The following PLEKHA7 variants were observed in gnomAD, a reference collection of about 807,000 sequenced individuals.
The protein encoded by PLEKHA7 is pleckstrin homology domain-containing family A member 7.
A neutral mutation model predicts 170.0 loss-of-function variants in PLEKHA7; 104 were observed. That is an observed-to-expected ratio of 0.61 (90% CI 0.52 to 0.72). The LOEUF is 0.72. Among genes scored for constraint, PLEKHA7 ranks in the 30% least tolerant of loss-of-function variants. The pLI is 0.00. For synonymous variants in PLEKHA7, 648 were observed against 660.8 expected, an observed-to-expected ratio of 0.98 and a Z score of 0.30; for missense variants, 1,615 against 1,671.7, an observed-to-expected ratio of 0.97 and a Z score of 0.59.
intron 17 of PLEKHA7, among the ~76,000 whole-genome samples, chr11:16,797,699 C>T (rs1848328784): frequency 6.6e-6 from 1 of 152,134 alleles, no homozygotes; most frequent in African/African-American, 2.4e-5. Flanking sequence ...GGTGTATTAC[C>T]GAGCCCAGGG....
In PLEKHA7 at chr11:17,014,011, C is replaced by T. The variant is rs904253470; in HGVS notation, c.199G>A (p.Glu67Lys). ...PRGWEEGFTE[E>K]GASYFIDHNQ... ...CACTCGATGAAGTAGCTGGCGCCCT[C>T]CTCCGTGAAGCCCTCCTCCCAGCCG... Residue 67 changes from glutamate to lysine, a missense_variant, in exon 3 of 27, where the codon GAG becomes AAG. Transcript: ENST00000531066. 2 of 1,548,830 alleles carry T rather than the reference C, an allele frequency of 1.3e-6. No individual in the cohort carries two copies. The highest frequency in any genetic ancestry group is 1.4e-5 in the African/African-American group (1 of 72,806).
rs1199643786 is a variant in PLEKHA7, at chr11:16,962,297, G to GGGT, written c.221+51689_221+51691dup. 6.6e-5 allele frequency among the ~76,000 whole-genome samples: 10 copies of GGGT among 152,298 alleles called. No homozygotes were observed. In the East Asian group the frequency reaches 1.9e-3, roughly 29 times the overall value. On this transcript the variant is annotated intron_variant, in intron 3 of 26. Coordinates refer to ENST00000531066, the MANE Select transcript of PLEKHA7 (RefSeq NM_001329630.2). ...GCATTATCACAGTGTCCACCTGATG[G>GGGT]GGTGGTTGTGAGATCACTTGTGTAA...
At chr11:16,978,268 C>T (rs1050479416) in intron 3 of PLEKHA7, among the ~76,000 whole-genome samples, 1 of 152,200 alleles carries the variant, frequency 6.6e-6, no homozygotes, top group African/African-American at 2.4e-5. Flanking sequence ...CTTTTGTTCA[C>T]GTCCCTCAAT....
chr11:16,907,059 G>A (rs1352870750), intron 3 of PLEKHA7, among the ~76,000 whole-genome samples: 4 of 144,564 alleles, frequency 2.8e-5, no homozygotes, highest in East Asian at 2.0e-4. Flanking sequence ...CAGCCACTCC[G>A]TCTGGGAAGC....
intron 3 of PLEKHA7, among the ~76,000 whole-genome samples, chr11:16,896,583 C>T (rs1280529403): frequency 6.6e-6 from 1 of 152,170 alleles, no homozygotes; most frequent in African/African-American, 2.4e-5. Flanking sequence ...GTCCCTAAGC[C>T]CATCATCCTA....
intron 3 of PLEKHA7, among the ~76,000 whole-genome samples, chr11:16,949,626 T>A (rs1433480190): frequency 6.6e-6 from 1 of 152,234 alleles, no homozygotes. Flanking sequence ...ATTCATTCAT[T>A]CCAATGTCTG....
At chr11:16,965,496 C>G (rs1180022054) in intron 3 of PLEKHA7, among the ~76,000 whole-genome samples, 1 of 152,138 alleles carries the variant, frequency 6.6e-6, no homozygotes, top group Non-Finnish European at 1.5e-5. Context: ...TCTCTATTGC[C>G]AACTCACCTT....
intron 6 of PLEKHA7, among the ~76,000 whole-genome samples, chr11:16,854,259 A>G (rs908024978): frequency 5.9e-5 from 9 of 152,356 alleles, no homozygotes; most frequent in South Asian, 2.1e-4. Context: ...GGGGATTCCA[A>G]TGAAGAATGG....
chr11:16,790,688 G>A (rs2134215075), intron 21 of PLEKHA7, 110 bp downstream of exon 21: 2 of 1,097,524 alleles, frequency 1.8e-6, no homozygotes, highest in Middle Eastern at 3.0e-4. Context: ...GACAGCTGCT[G>A]CTCACTCCTA....
At chr11:16,989,773 A>C (rs1457352381) in intron 3 of PLEKHA7, among the ~76,000 whole-genome samples, 1 of 152,238 alleles carries the variant, frequency 6.6e-6, no homozygotes, top group African/African-American at 2.4e-5. Flanking sequence ...GGCTACAAGA[A>C]GACAGGTGCC....
intron 3 of PLEKHA7, among the ~76,000 whole-genome samples, chr11:16,944,926 A>C (rs1173829411): frequency 2.6e-5 from 4 of 152,192 alleles, no homozygotes; most frequent in African/African-American, 9.6e-5. Context: ...TAACCAACTC[A>C]CAGATAAGAA....
chr11:16,790,617 T>C, intron 21 of PLEKHA7, 181 bp downstream of exon 21: 1 of 602,134 alleles, frequency 1.7e-6, no homozygotes, highest in South Asian at 2.1e-5. Flanking sequence ...AGGAAGAGAA[T>C]CAGGATGTGG....
At chr11:16,836,675 C>T (rs148561624) in intron 9 of PLEKHA7, among the ~76,000 whole-genome samples, 14 of 152,238 alleles carry the variant, frequency 9.2e-5, no homozygotes, top group African/African-American at 3.4e-4. Flanking sequence ...TTTAATAAGT[C>T]TGTATTCGCT....
At chr11:16,795,355 G>A (rs1474850228) in intron 17 of PLEKHA7, 1 of 267,134 alleles carries the variant, frequency 3.7e-6, no homozygotes, top group African/African-American at 2.2e-5. Context: ...AAGTACAACA[G>A]TGGTTGCTGG....
At position 16,895,151 on chromosome 11, in the gene PLEKHA7, C is replaced by T. The variant is rs935279359; in HGVS notation, c.222-23969G>A. The stretch of plus-strand genomic sequence containing the variant: ...ACATTTCTAAGGCAAGAAGAAAACT[C>T]CAGTACAGGGTAAGGGTTTAATATA... On this transcript the variant is annotated intron_variant, in intron 3 of 26. Coordinates refer to ENST00000531066, the MANE Select transcript of PLEKHA7 (RefSeq NM_001329630.2). Among the ~76,000 whole-genome samples, 8 of 152,182 alleles carry T rather than the reference C, an allele frequency of 5.3e-5. No individual in the cohort carries two copies. The South Asian group carries it at 1.2e-3, about 24-fold the overall frequency.
chr11:16,990,554 C>T (rs552681352), intron 3 of PLEKHA7, among the ~76,000 whole-genome samples: 5 of 152,294 alleles, frequency 3.3e-5, no homozygotes, highest in Admixed American at 2.6e-4. Flanking sequence ...TTGTTCCCAT[C>T]GATTCAGAGC....
At chr11:16,892,916 C>T (rs960552672) in intron 3 of PLEKHA7, among the ~76,000 whole-genome samples, 1 of 152,164 alleles carries the variant, frequency 6.6e-6, no homozygotes, top group Admixed American at 6.5e-5. Flanking sequence ...GGTGAGGGCC[C>T]ATGCCTTACA....
chr11:16,947,449 G>A (rs1240205588), intron 3 of PLEKHA7, among the ~76,000 whole-genome samples: 2 of 151,986 alleles, frequency 1.3e-5, no homozygotes, highest in African/African-American at 4.8e-5. Context: ...AAATTAGCCA[G>A]GCATGGTGAG....
At chr11:17,011,615 A>G (rs773295228) in intron 3 of PLEKHA7, among the ~76,000 whole-genome samples, 16 of 151,990 alleles carry the variant, frequency 1.1e-4, no homozygotes, top group South Asian at 6.2e-4. Flanking sequence ...AGTCCTTCTC[A>G]GTCTCCTTGC....
Sources: gnomAD v4.1 joint callset for allele counts (sites outside exome capture counted in the v4.1 genomes callset) on GRCh38, gnomAD v4.1.1 for gene constraint, MANE v1.5 for transcripts, NCBI Gene and HGNC (gene_info 2026-07-23, HGNC 2026-07-21) for gene names.